SUGCT: variants seen among roughly 807,000 people sequenced by gnomAD.
SUGCT encodes the protein succinyl-CoA:glutarate CoA-transferase.
In SUGCT, 41 loss-of-function variants were observed where a neutral mutation model predicts 55.0. That is an observed-to-expected ratio of 0.74 (90% CI 0.58 to 0.97). The LOEUF (loss-of-function observed/expected upper bound fraction) is 0.97. Ranked by LOEUF, SUGCT falls within the 50% of genes least tolerant of loss-of-function variation. SUGCT has a pLI of 0.00. For synonymous variants in SUGCT, 187 were observed against 200.4 expected, an observed-to-expected ratio of 0.93 and a Z score of 0.56; for missense variants, 568 against 547.8, an observed-to-expected ratio of 1.04 and a Z score of -0.37.
chr7:40,514,272 G>T (rs138527680), intron 12 of SUGCT, among the ~76,000 whole-genome samples: 1 of 152,148 alleles, frequency 6.6e-6, no homozygotes, highest in African/African-American at 2.4e-5. Context: ...TGTTTTCTGA[G>T]ACCTGAAGAT....
chr7:40,359,148 TG>T lies in SUGCT; in HGVS notation c.816+42294del, dbSNP rs541166354. Among the ~76,000 whole-genome samples, 32 of 152,270 alleles carry T rather than the reference TG, an allele frequency of 2.1e-4. No individual in the cohort carries two copies. In the South Asian group the frequency reaches 6.6e-3, roughly 32 times the overall value. ...GCAGCATTAGCTTTATGTTCTGTCATGTATGTATGTATGTACATGTATGTAT... is the reference window on the plus strand; with the variant it reads ...GCAGCATTAGCTTTATGTTCTGTCATTATGTATGTATGTACATGTATGTAT... On this transcript the variant is annotated intron_variant, in intron 9 of 13. Transcript: ENST00000335693.
intron 12 of SUGCT, among the ~76,000 whole-genome samples, chr7:40,731,996 A>G (rs1203720): frequency 0.29 from 43,571 of 152,076 alleles, 7,543 homozygotes; most frequent in African/African-American, 0.48. Flanking sequence ...CTGATAATCT[A>G]TGAGGATATA....
intron 9 of SUGCT, among the ~76,000 whole-genome samples, chr7:40,345,653 GT>G (rs1167759362): frequency 2.0e-5 from 3 of 151,710 alleles, no homozygotes; most frequent in Admixed American, 6.6e-5. Flanking sequence ...GTAAGGTTGT[GT>G]TTTTTTAATT....
chr7:40,982,270 G>T, the SUGCT span, among the ~76,000 whole-genome samples: 3 of 152,188 alleles, frequency 2.0e-5, no homozygotes, highest in East Asian at 5.8e-4. Flanking sequence ...AATGAGTTCA[G>T]TTCACCACTG....
intron 11 of SUGCT, among the ~76,000 whole-genome samples, chr7:40,476,679 T>A (rs1195404374): frequency 1.3e-5 from 2 of 152,116 alleles, no homozygotes; most frequent in South Asian, 2.1e-4. Flanking sequence ...TTTTTGGCAT[T>A]TAGGGCATTT....
chr7:40,350,583 G>A (rs1340477653), intron 9 of SUGCT, among the ~76,000 whole-genome samples: 3 of 151,120 alleles, frequency 2.0e-5, no homozygotes, highest in Admixed American at 6.6e-5. Flanking sequence ...CACCCACCTT[G>A]GCCCCCCAAA....
intron 9 of SUGCT, among the ~76,000 whole-genome samples, chr7:40,430,541 CTT>C (rs1034381683): frequency 3.3e-5 from 5 of 152,146 alleles, no homozygotes; most frequent in East Asian, 1.9e-4. Flanking sequence ...TGCGTGAACT[CTT>C]TATCAATTTT....
At chr7:40,223,176 T>C (rs965406580) in intron 6 of SUGCT, among the ~76,000 whole-genome samples, 6 of 152,078 alleles carry the variant, frequency 3.9e-5, no homozygotes, top group African/African-American at 1.2e-4. Flanking sequence ...TTCTCCTGGC[T>C]TAGCCTCCCA....
At chr7:40,767,045 A>C (rs142207491) in intron 13 of SUGCT, among the ~76,000 whole-genome samples, 1 of 152,326 alleles carries the variant, frequency 6.6e-6, no homozygotes, top group East Asian at 1.9e-4. Context: ...AAATGTTTAG[A>C]TATGTACTGT....
intron 13 of SUGCT, among the ~76,000 whole-genome samples, chr7:40,845,784 CTCTTT>C (rs1793523382): frequency 6.6e-6 from 1 of 152,130 alleles, no homozygotes; most frequent in African/African-American, 2.4e-5. Context: ...TCTTGATTCT[CTCTTT>C]GCTTGGAATA....
the SUGCT span, among the ~76,000 whole-genome samples, chr7:41,037,498 T>G: frequency 6.7e-6 from 1 of 148,350 alleles, no homozygotes; most frequent in Non-Finnish European, 1.5e-5. Flanking sequence ...GTCCATGTGC[T>G]CAGCCTTTTT....
At chr7:40,332,556 C>T (rs1291483230) in intron 9 of SUGCT, among the ~76,000 whole-genome samples, 2 of 150,236 alleles carry the variant, frequency 1.3e-5, no homozygotes, top group African/African-American at 4.9e-5. Flanking sequence ...TTCTTTTTTG[C>T]CTACCATGTC....
rs1792671711 is a variant in SUGCT, at chr7:40,278,240, C to T, written c.720+3584C>T. On this transcript the variant is annotated intron_variant, in intron 8 of 13. Transcript: ENST00000335693. ...ACCACAGTGAGATACCGTCTCACACCAATTAGAATGGCAATCATTAAAAAG... is the reference window on the plus strand; with the variant it reads ...ACCACAGTGAGATACCGTCTCACACTAATTAGAATGGCAATCATTAAAAAG... Among the ~76,000 whole-genome samples the T allele has an allele frequency of 2.6e-5, 4 of 152,130 alleles. No homozygotes were observed. The South Asian group carries it at 6.2e-4, about 24-fold the overall frequency.
chr7:40,223,059 T>C (rs1788131266), intron 6 of SUGCT, among the ~76,000 whole-genome samples: 1 of 150,474 alleles, frequency 6.6e-6, no homozygotes, highest in East Asian at 2.0e-4. Context: ...CCACCCATCC[T>C]TCCATTTCTT....
intron 12 of SUGCT, among the ~76,000 whole-genome samples, chr7:40,622,192 C>T (rs1486418344): frequency 2.0e-5 from 3 of 152,158 alleles, no homozygotes; most frequent in Non-Finnish European, 4.4e-5. Flanking sequence ...AGACGTGTGT[C>T]CCTTGGGGCA....
chr7:40,270,569 C>A (rs920272828), intron 7 of SUGCT, among the ~76,000 whole-genome samples: 1 of 152,276 alleles, frequency 6.6e-6, no homozygotes, highest in East Asian at 1.9e-4. Context: ...GTTTATATGT[C>A]TGCCTTCCAC....
the SUGCT span, among the ~76,000 whole-genome samples, chr7:40,872,389 G>A: frequency 6.6e-6 from 1 of 152,134 alleles, no homozygotes; most frequent in Non-Finnish European, 1.5e-5. Context: ...CAATGAATAT[G>A]TTTCTAACGT....
chr7:40,210,660 G>T (rs1417710763), intron 6 of SUGCT, among the ~76,000 whole-genome samples: 2 of 152,126 alleles, frequency 1.3e-5, no homozygotes, highest in Non-Finnish European at 2.9e-5. Context: ...ATAAGGAAGG[G>T]GAAGGGGTTC....
At chr7:40,948,438 TGATGA>T in the SUGCT span, among the ~76,000 whole-genome samples, 4 of 46,740 alleles carry the variant, frequency 8.6e-5, no homozygotes, top group African/African-American at 2.1e-4. Flanking sequence ...AAAAACATGA[TGATGA>T]TGATGATGAT....
Sources: gnomAD v4.1 joint callset for allele counts (sites outside exome capture counted in the v4.1 genomes callset) on GRCh38, gnomAD v4.1.1 for gene constraint, MANE v1.5 for transcripts, NCBI Gene and HGNC (gene_info 2026-07-23, HGNC 2026-07-21) for gene names.